DCC: variants seen among roughly 807,000 people sequenced by gnomAD.
The protein encoded by DCC is netrin receptor DCC.
A neutral mutation model predicts 172.5 loss-of-function variants in DCC; 58 were observed. That is an observed-to-expected ratio of 0.34 (90% CI 0.27 to 0.42). The LOEUF is 0.42. DCC is among the 10% of genes least tolerant of loss of function. The probability of loss-of-function intolerance (pLI) is 1.00; values close to 1 mark genes in which losing one functional copy is unlikely to be tolerated. For synonymous variants in DCC, 709 were observed against 644.5 expected, an observed-to-expected ratio of 1.10 and a Z score of -1.52; for missense variants, 1,740 against 1,791.0, an observed-to-expected ratio of 0.97 and a Z score of 0.51.
At chr18:52,381,408 G>A (rs1282482947) in intron 1 of DCC, among the ~76,000 whole-genome samples, 1 of 152,166 alleles carries the variant, frequency 6.6e-6, no homozygotes, top group Non-Finnish European at 1.5e-5. Context: ...TAAGAATAGA[G>A]TATTTGGCCA....
chr18:53,223,400 T>C (rs890594709), intron 12 of DCC, among the ~76,000 whole-genome samples: 1 of 152,154 alleles, frequency 6.6e-6, no homozygotes. Flanking sequence ...TAATTTATAC[T>C]TCATCACACA....
At chr18:52,686,933 T>C (rs1450459243) in intron 1 of DCC, among the ~76,000 whole-genome samples, 3 of 152,054 alleles carry the variant, frequency 2.0e-5, no homozygotes, top group Non-Finnish European at 4.4e-5. Context: ...GTCATTCTTG[T>C]CACACCCAGA....
intron 12 of DCC, among the ~76,000 whole-genome samples, chr18:53,263,435 A>T (rs905898528): frequency 6.6e-6 from 1 of 152,214 alleles, no homozygotes; most frequent in Non-Finnish European, 1.5e-5. Context: ...TACAGGCATG[A>T]GCCACCACAC....
chr18:52,793,889 G>A (rs1040126704), intron 2 of DCC, among the ~76,000 whole-genome samples: 5 of 151,906 alleles, frequency 3.3e-5, no homozygotes, highest in African/African-American at 1.2e-4. Context: ...TATTGAAGAG[G>A]GTATTCTTTC....
At chr18:53,143,865 GTTTCC>G (rs1198998121) in intron 7 of DCC, among the ~76,000 whole-genome samples, 2 of 152,162 alleles carry the variant, frequency 1.3e-5, no homozygotes, top group African/African-American at 4.8e-5. Context: ...GAGAATGATT[GTTTCC>G]ATCCCATTTG....
At chr18:52,892,028 G>A (rs944199099) in intron 2 of DCC, among the ~76,000 whole-genome samples, 19 of 152,050 alleles carry the variant, frequency 1.2e-4, no homozygotes, top group African/African-American at 4.6e-4. Flanking sequence ...TACTAAAGTG[G>A]TGGATGACAT....
At chr18:52,504,693 T>A (rs1165702575) in intron 1 of DCC, among the ~76,000 whole-genome samples, 2 of 152,108 alleles carry the variant, frequency 1.3e-5, no homozygotes, top group African/African-American at 4.8e-5. Context: ...GAAAAGTTTA[T>A]CTGCTCGGGT....
At chr18:53,068,196 T>C (rs1162873726) in intron 7 of DCC, among the ~76,000 whole-genome samples, 1 of 152,166 alleles carries the variant, frequency 6.6e-6, no homozygotes, top group Non-Finnish European at 1.5e-5. Context: ...GAACTAGTAA[T>C]GCATAAGTAG....
intron 19 of DCC, among the ~76,000 whole-genome samples, chr18:53,408,299 G>A (rs556034927): frequency 2.0e-5 from 3 of 152,150 alleles, no homozygotes; most frequent in Non-Finnish European, 2.9e-5. Flanking sequence ...TAGCTTTGGG[G>A]TCTCTTACAA....
At chr18:52,848,270 A>G (rs1162657229) in intron 2 of DCC, among the ~76,000 whole-genome samples, 1 of 151,958 alleles carries the variant, frequency 6.6e-6, no homozygotes, top group Non-Finnish European at 1.5e-5. Context: ...TATATTTGGT[A>G]AAGATGGGGT....
At chr18:52,891,492 C>T (rs66963940) in intron 2 of DCC, among the ~76,000 whole-genome samples, 9,758 of 151,986 alleles carry the variant, frequency 0.064, 411 homozygotes, top group East Asian at 0.21. Flanking sequence ...ATGATAGAAA[C>T]CTTGGGGGTC....
At chr18:52,689,762 C>T (rs2081022231) in intron 1 of DCC, among the ~76,000 whole-genome samples, 1 of 152,092 alleles carries the variant, frequency 6.6e-6, no homozygotes, top group Admixed American at 6.6e-5. Flanking sequence ...TGAAAAGACT[C>T]TTAATTTGGG....
At chr18:52,764,949 G>C (rs2037220123) in intron 2 of DCC, among the ~76,000 whole-genome samples, 1 of 152,088 alleles carries the variant, frequency 6.6e-6, no homozygotes, top group Non-Finnish European at 1.5e-5. Context: ...ATAGAAGAAT[G>C]AGAACTCTTT....
intron 1 of DCC, among the ~76,000 whole-genome samples, chr18:52,404,967 C>T (rs1462291094): frequency 6.6e-6 from 1 of 151,848 alleles, no homozygotes; most frequent in Non-Finnish European, 1.5e-5. Flanking sequence ...CCAATTTCAT[C>T]CATGTCCCTA....
chr18:53,184,746 G>T (rs1044722960), intron 9 of DCC, among the ~76,000 whole-genome samples: 5 of 152,132 alleles, frequency 3.3e-5, no homozygotes, highest in African/African-American at 1.2e-4. Flanking sequence ...TATCTGGGCT[G>T]TTGCTGATCA....
chr18:53,480,688 TG>T (rs2045821124), intron 25 of DCC: 1 of 152,144 alleles, frequency 6.6e-6, no homozygotes, highest in African/African-American at 2.4e-5. Context: ...CACTTCTCTG[TG>T]GATGATCTCT....
intron 5 of DCC, among the ~76,000 whole-genome samples, chr18:52,939,958 A>T (rs1453825038): frequency 6.6e-6 from 1 of 151,294 alleles, no homozygotes; most frequent in Non-Finnish European, 1.5e-5. Context: ...GTATTTCTCA[A>T]TGTGTGGTCT....
chr18:52,920,020 C>CAAAAAAAAA (rs373883714), intron 3 of DCC, among the ~76,000 whole-genome samples: 1 of 100,170 alleles, frequency 1.0e-5, no homozygotes. Context: ...TGTCCATATA[C>CAAAAAAAAA]AAAAAAAAAA....
chr18:52,907,815 G>A (rs1336254066), intron 3 of DCC, among the ~76,000 whole-genome samples: 1 of 152,166 alleles, frequency 6.6e-6, no homozygotes, highest in African/African-American at 2.4e-5. Flanking sequence ...CTGTCCCAGA[G>A]CCTGGCCCAT....
Sources: allele counts gnomAD v4.1 joint callset (sites outside exome capture counted in the v4.1 genomes callset), GRCh38; gene constraint gnomAD v4.1.1; transcripts MANE v1.5; gene names NCBI Gene and HGNC (gene_info 2026-07-23, HGNC 2026-07-21).